Variants in PIK3CB observed in about 807,000 individuals in gnomAD.
The protein encoded by PIK3CB is phosphatidylinositol-4,5-bisphosphate 3-kinase catalytic subunit beta.
A neutral mutation model predicts 136.8 loss-of-function variants in PIK3CB; 39 were observed. The observed-to-expected ratio is 0.29, with a 90% CI of 0.22 to 0.37. The LOEUF (loss-of-function observed/expected upper bound fraction) is 0.37, where lower values mean the gene tolerates loss of function less well. Ranked by LOEUF, PIK3CB falls within the 10% of genes least tolerant of loss-of-function variation. PIK3CB has a pLI of 1.00. For synonymous variants in PIK3CB, 428 were observed against 436.6 expected (o/e 0.98, Z 0.25); for missense variants, 868 against 1,275.4 (o/e 0.68, Z 4.87).
chr3:138,695,931 A>ATT (rs34470924), intron 13 of PIK3CB, among the ~76,000 whole-genome samples: 1,996 of 90,702 alleles, frequency 0.022, 75 homozygotes, highest in East Asian at 0.076. Context: ...AATTTTTTGT[A>ATT]TTTTTTTTTT....
intron 1 of PIK3CB, among the ~76,000 whole-genome samples, chr3:138,813,160 A>T (rs1933151775): frequency 6.6e-6 from 1 of 152,148 alleles, no homozygotes; most frequent in South Asian, 2.1e-4. Flanking sequence ...ACTGAACATC[A>T]TTCCTTTTTA....
At chr3:138,761,384 G>C (rs2045659850) in intron 2 of PIK3CB, among the ~76,000 whole-genome samples, 2 of 152,210 alleles carry the variant, frequency 1.3e-5, no homozygotes, top group South Asian at 4.1e-4. Flanking sequence ...ATCAAGAAGA[G>C]GAGGAAGAAG....
At chr3:138,778,920 G>T (rs1475255882) in intron 2 of PIK3CB, 1 of 154,144 alleles carries the variant, frequency 6.5e-6, no homozygotes, top group East Asian at 1.9e-4. Context: ...TCCCTTCCCA[G>T]ACACGGTTTC....
chr3:138,805,170 T>C (rs932860612), intron 1 of PIK3CB, among the ~76,000 whole-genome samples: 2 of 148,676 alleles, frequency 1.3e-5, no homozygotes, highest in African/African-American at 5.0e-5. Flanking sequence ...CCGTCTCTGC[T>C]TAAAATAAAA....
At chr3:138,760,193 G>A (rs1379356806) in intron 2 of PIK3CB, among the ~76,000 whole-genome samples, 1 of 152,104 alleles carries the variant, frequency 6.6e-6, no homozygotes, top group African/African-American at 2.4e-5. Context: ...AAAGTGCTGG[G>A]ATTACAGGCG....
intron 5 of PIK3CB, among the ~76,000 whole-genome samples, chr3:138,741,973 CA>C (rs2045254704): frequency 6.6e-6 from 1 of 152,102 alleles, no homozygotes; most frequent in Non-Finnish European, 1.5e-5. Flanking sequence ...GGCTGTATAT[CA>C]ACTCTATTAT....
chr3:138,706,061 T>C (rs2044372590), intron 11 of PIK3CB, among the ~76,000 whole-genome samples: 1 of 152,208 alleles, frequency 6.6e-6, no homozygotes, highest in South Asian at 2.1e-4. Context: ...TCCTAAATTC[T>C]GAGAATTTGT....
chr3:138,801,373 T>C (rs2046173808), intron 1 of PIK3CB, among the ~76,000 whole-genome samples: 1 of 152,110 alleles, frequency 6.6e-6, no homozygotes, highest in Admixed American at 6.6e-5. Context: ...ATCAATGCAT[T>C]AAATGGATAA....
chr3:138,743,552 A>ACATT (rs547743417), intron 4 of PIK3CB, among the ~76,000 whole-genome samples: 2,850 of 152,098 alleles, frequency 0.019, 247 homozygotes, highest in Admixed American at 0.16. Context: ...TTCACATATA[A>ACATT]CATTCATTCA....
At chr3:138,811,656 C>T (rs1273596539) in intron 1 of PIK3CB, among the ~76,000 whole-genome samples, 3 of 152,092 alleles carry the variant, frequency 2.0e-5, no homozygotes, top group South Asian at 2.1e-4. Context: ...GATCTCCTGA[C>T]CTCATGATCC....
intron 1 of PIK3CB, among the ~76,000 whole-genome samples, chr3:138,827,991 AAAAAC>A (rs888876710): frequency 1.2e-4 from 18 of 151,856 alleles, no homozygotes; most frequent in African/African-American, 3.1e-4. Flanking sequence ...CCGTCTCAAA[AAAAAC>A]AAAACAAAAC....
intron 2 of PIK3CB, chr3:138,770,125 C>T (rs1053592734): frequency 6.6e-6 from 1 of 152,164 alleles, no homozygotes; most frequent in Non-Finnish European, 1.5e-5. Context: ...AGGCTAAGGA[C>T]AAGCAGAGTT....
At chr3:138,749,876 GT>G (rs550167803) in intron 4 of PIK3CB, among the ~76,000 whole-genome samples, 140 of 152,126 alleles carry the variant, frequency 9.2e-4, no homozygotes, top group Non-Finnish European at 1.5e-3. Context: ...ATGTGATAGA[GT>G]TTTTTTGTTT....
chr3:138,706,715 TG>T (rs1311002176), intron 11 of PIK3CB, among the ~76,000 whole-genome samples: 1 of 152,208 alleles, frequency 6.6e-6, no homozygotes, highest in African/African-American at 2.4e-5. Context: ...TGGAGTGCAA[TG>T]GCACGATCTT....
chr3:138,725,054 G>T (rs932694745), intron 8 of PIK3CB, among the ~76,000 whole-genome samples: 1 of 152,092 alleles, frequency 6.6e-6, no homozygotes, highest in African/African-American at 2.4e-5. Flanking sequence ...AAATTTACCT[G>T]TTGGGCAGTG....
chr3:138,688,500 C>CA (rs397991199), intron 16 of PIK3CB, among the ~76,000 whole-genome samples: 48,998 of 84,092 alleles, frequency 0.58, 13,761 homozygotes, highest in East Asian at 0.94. Flanking sequence ...GACTCTGTCA[C>CA]AAAAAAAAAA....
At chr3:138,762,264 A>G (rs184618312) in intron 2 of PIK3CB, among the ~76,000 whole-genome samples, 1 of 152,328 alleles carries the variant, frequency 6.6e-6, no homozygotes, top group East Asian at 1.9e-4. Flanking sequence ...AAAACAAAAA[A>G]CAAACAAACA....
intron 4 of PIK3CB, among the ~76,000 whole-genome samples, chr3:138,744,099 G>A (rs1171544312): frequency 6.6e-6 from 1 of 152,026 alleles, no homozygotes. Context: ...TTTATTAAGA[G>A]GAAGTGGATT....
intron 1 of PIK3CB, among the ~76,000 whole-genome samples, chr3:138,806,441 C>T (rs1012377470): frequency 2.6e-5 from 4 of 151,902 alleles, no homozygotes; most frequent in Admixed American, 6.6e-5. Flanking sequence ...GCTGAGATCC[C>T]ACCACCGCAT....
Sources: allele counts gnomAD v4.1 joint callset (sites outside exome capture counted in the v4.1 genomes callset), GRCh38; gene constraint gnomAD v4.1.1; transcripts MANE v1.5; gene names NCBI Gene and HGNC (gene_info 2026-07-23, HGNC 2026-07-21).